The following ANKUB1 variants were observed in gnomAD, a reference collection of about 807,000 sequenced individuals.
ANKUB1 encodes the protein ankyrin repeat and ubiquitin domain containing 1.
Under a neutral mutation model 49.3 loss-of-function variants are expected in ANKUB1, and 42 were observed. That is an observed-to-expected ratio of 0.85 (90% CI 0.67 to 1.10). The LOEUF is 1.10. Among genes scored for constraint, ANKUB1 ranks in the 50% least tolerant of loss-of-function variants. The pLI is 0.00. For synonymous variants in ANKUB1, 222 were observed against 231.0 expected, an observed-to-expected ratio of 0.96 and a Z score of 0.35; for missense variants, 613 against 642.0, an observed-to-expected ratio of 0.95 and a Z score of 0.49.
At chr3:149,768,555 C>G (rs985872548) in intron 4 of ANKUB1, among the ~76,000 whole-genome samples, 4 of 148,930 alleles carry the variant, frequency 2.7e-5, no homozygotes, top group Non-Finnish European at 4.5e-5. Context: ...TCCATCCCCC[C>G]TCCCCAGACA....
At chr3:149,770,172 G>A (rs988696516) in intron 4 of ANKUB1, among the ~76,000 whole-genome samples, 1 of 152,004 alleles carries the variant, frequency 6.6e-6, no homozygotes, top group Non-Finnish European at 1.5e-5. Flanking sequence ...TATACACAAC[G>A]TGTTAATTGA....
intron 3 of ANKUB1, among the ~76,000 whole-genome samples, chr3:149,776,191 G>T (rs1391526674): frequency 6.6e-6 from 1 of 151,972 alleles, no homozygotes; most frequent in Non-Finnish European, 1.5e-5. Context: ...AATTGTCTTT[G>T]GACTTTTACC....
chr3:149,787,896 C>T (rs1415471443), intron 2 of ANKUB1, among the ~76,000 whole-genome samples: 1 of 152,162 alleles, frequency 6.6e-6, no homozygotes, highest in East Asian at 1.9e-4. Context: ...ATAATATCTA[C>T]TTGTATCTTT....
intron 2 of ANKUB1, among the ~76,000 whole-genome samples, chr3:149,787,104 G>A (rs891672489): frequency 2.0e-5 from 3 of 152,132 alleles, no homozygotes; most frequent in Non-Finnish European, 4.4e-5. Flanking sequence ...TTCCAATTCT[G>A]TGAAGAAAGT....
Position 149,767,382 on chromosome 3 carries a change from T to C in ANKUB1, c.1280A>G (p.Gln427Arg). ...SELQKHQQQN[Q>R]KKITATARKK... ...CCTAGCTGTGGCAGTAATTTTTTTC[T>C]GATTTTGTTGTTGATGTTTTTGTAA... The change falls in exon 5 of 6, where the codon CAG (glutamine) becomes CGG (arginine). Residue 427 changes from glutamine to arginine, a missense_variant. Coordinates refer to ENST00000446160, the MANE Select transcript of ANKUB1 (RefSeq NM_001144960.3). 1 of 1,550,964 alleles carries C rather than the reference T, an allele frequency of 6.4e-7. No homozygotes were observed. Among genetic ancestry groups the C allele is most frequent in the Admixed American group, 2.0e-5 (1 of 50,828 alleles).
chr3:149,768,689 G>A (rs748885749), intron 4 of ANKUB1, among the ~76,000 whole-genome samples: 4 of 152,060 alleles, frequency 2.6e-5, no homozygotes, highest in African/African-American at 7.2e-5. Context: ...TTACAGGTGC[G>A]AGCCACCACA....
intron 2 of ANKUB1, among the ~76,000 whole-genome samples, chr3:149,784,400 C>A (rs1307349830): frequency 3.3e-5 from 5 of 152,174 alleles, no homozygotes; most frequent in Non-Finnish European, 7.3e-5. Flanking sequence ...TCCACCCCAA[C>A]TTTGAATTAC....
rs565959832 is a variant in ANKUB1, at chr3:149,767,746, T to G, written c.916A>C (p.Ile306Leu). The stretch of plus-strand genomic sequence containing the variant: ...ATATAAATCCTCATTGGGACTGAAA[T>G]TTTTGGAAAAGAAACTGTGGACCAC... ...KMWSTVSFPKISVPMRIYIKI... is the reference protein window; with the variant it reads ...KMWSTVSFPKLSVPMRIYIKI... Residue 306 changes from isoleucine (I) to leucine (L), a missense_variant, in exon 5 of 6, where the codon ATT (isoleucine) becomes CTT (leucine). Coordinates refer to ENST00000446160, the MANE Select transcript of ANKUB1 (RefSeq NM_001144960.3). 4.5e-4 allele frequency: 700 copies of G among 1,551,592 alleles called. No homozygotes were observed. Among genetic ancestry groups the G allele is most frequent in the Middle Eastern group, 8.3e-4 (5 of 5,992 alleles).
Position 149,767,536 on chromosome 3 carries a change from T to G in ANKUB1, c.1126A>C (p.Lys376Gln), listed in dbSNP as rs749987998. 13 of 1,551,680 alleles carry G rather than the reference T, an allele frequency of 8.4e-6. No individual in the cohort carries two copies. The highest frequency in any genetic ancestry group is 1.7e-4 in the Middle Eastern group (1 of 5,992). ...GNSDSQSIVL[K>Q]LPSLSKQTAS... ...GTTTGTTTGCTGAGAGATGGTAGCT[T>G]GAGCACGATGCTTTGTGAGTCGCTG... The change falls in exon 5 of 6, where the codon AAG (lysine) becomes CAG (glutamine). Residue 376 changes from lysine (K) to glutamine (Q), a missense_variant. By Grantham distance (53) the Lys-to-Gln change is moderately conservative (BLOSUM62 1). Coordinates refer to ENST00000446160, the MANE Select transcript of ANKUB1 (RefSeq NM_001144960.3).
intron 5 of ANKUB1, chr3:149,764,063 G>A (rs1042106000): frequency 2.2e-6 from 1 of 455,668 alleles, no homozygotes; most frequent in East Asian, 6.9e-5. Context: ...GATTACATTA[G>A]GTTCTTCCCC....
rs144785380 is a variant in ANKUB1 at position 149,790,882 on chromosome 3, G to T, written c.133C>A (p.Arg45=). The change falls in exon 2 of 6, where the codon CGG becomes AGG. Residue 45 remains arginine (R), a synonymous_variant. Coordinates refer to ENST00000446160, the MANE Select transcript of ANKUB1 (RefSeq NM_001144960.3). ...IPLSEDKQGR[R]YLELMYAGAA... ...CCAGCATACATTAACTCCAGATACC[G>T]CCTGCCTTGTTTGTCTTCAGAGAGA... 6.4e-7 allele frequency: 1 copy of T among 1,551,922 alleles called. No individual in the cohort carries two copies. Among genetic ancestry groups the T allele is most frequent in the Non-Finnish European group, 8.7e-7 (1 of 1,146,990 alleles).
chr3:149,771,274 C>T (rs188402791), intron 3 of ANKUB1, among the ~76,000 whole-genome samples: 2 of 152,292 alleles, frequency 1.3e-5, no homozygotes, highest in African/African-American at 2.4e-5. Context: ...CTTTCCTCAG[C>T]CTTCCGTTCT....
chr3:149,764,584 CT>C (rs1716916766), intron 5 of ANKUB1, among the ~76,000 whole-genome samples: 1 of 101,788 alleles, frequency 9.8e-6, no homozygotes, highest in Non-Finnish European at 2.2e-5. Flanking sequence ...CCCTCCCTCC[CT>C]CCCTCCCTTC....
chr3:149,764,222 G>C (rs1716893933), intron 5 of ANKUB1, among the ~76,000 whole-genome samples: 1 of 152,148 alleles, frequency 6.6e-6, no homozygotes, highest in Non-Finnish European at 1.5e-5. Flanking sequence ...TGCCTTGACT[G>C]TCTACTTCAG....
chr3:149,776,481 G>C (rs1717600855), intron 3 of ANKUB1, among the ~76,000 whole-genome samples: 1 of 152,180 alleles, frequency 6.6e-6, no homozygotes, highest in Admixed American at 6.5e-5. Flanking sequence ...TTGCAGTAAA[G>C]GGAAATTAGA....
intron 5 of ANKUB1, chr3:149,763,975 G>A (rs754102124): frequency 2.0e-5 from 9 of 456,092 alleles, no homozygotes; most frequent in Non-Finnish European, 4.0e-5. Flanking sequence ...TGTCTGCTTT[G>A]GGAGACTCCC....
chr3:149,763,555 T>G (rs1288194550), intron 5 of ANKUB1, among the ~76,000 whole-genome samples: 1 of 152,184 alleles, frequency 6.6e-6, no homozygotes, highest in Non-Finnish European at 1.5e-5. Flanking sequence ...ACATTTGAGA[T>G]TATCATCTAT....
intron 3 of ANKUB1, among the ~76,000 whole-genome samples, chr3:149,773,537 T>C (rs73870404): frequency 0.021 from 3,266 of 152,288 alleles, 105 homozygotes; most frequent in African/African-American, 0.075. Flanking sequence ...GATAAACATT[T>C]TCCAAAATAC....
chr3:149,762,131 A>C (rs1576664466), intron 5 of ANKUB1, among the ~76,000 whole-genome samples: 2 of 152,312 alleles, frequency 1.3e-5, no homozygotes, highest in South Asian at 4.1e-4. Context: ...AATGTGATTT[A>C]ATACAGAGGT....
Sources: allele counts gnomAD v4.1 joint callset (sites outside exome capture counted in the v4.1 genomes callset), GRCh38; gene constraint gnomAD v4.1.1; transcripts MANE v1.5; gene names NCBI Gene and HGNC (gene_info 2026-07-23, HGNC 2026-07-21).